Variants in LRPPRC observed in about 807,000 individuals in gnomAD.
The protein encoded by LRPPRC is leucine rich pentatricopeptide repeat containing, also known as leucine-rich PPR motif-containing protein, mitochondrial.
Under a neutral mutation model 180.3 loss-of-function variants are expected in LRPPRC, and 120 were observed. The ratio of observed to expected loss-of-function variants is 0.67; its 90% CI spans 0.57 to 0.77. The LOEUF (loss-of-function observed/expected upper bound fraction) is 0.77, where lower values mean the gene tolerates loss of function less well. Among genes scored for constraint, LRPPRC ranks in the 30% least tolerant of loss-of-function variants. The pLI is 0.00. For synonymous variants in LRPPRC, 723 were observed against 600.0 expected, an observed-to-expected ratio of 1.21 and a Z score of -3.00; for missense variants, 2,012 against 1,657.2, an observed-to-expected ratio of 1.21 and a Z score of -3.72.
chr2:43,904,530 T>A (rs144684027), intron 31 of LRPPRC: 6,353 of 150,846 alleles, frequency 0.042, 191 homozygotes, highest in Middle Eastern at 0.11. Context: ...CTGTCTCTAC[T>A]GAAAATACAA....
intron 27 of LRPPRC, 120 bp downstream of exon 27, chr2:43,924,945 CCT>C (rs1330332660): frequency 5.5e-6 from 4 of 729,380 alleles, no homozygotes; most frequent in Non-Finnish European, 7.6e-6. Flanking sequence ...TCTACCTGAG[CCT>C]CTGTTGAATG....
rs771826281 is a variant in LRPPRC, at chr2:43,948,147, C to T, written c.1895G>A (p.Ser632Asn). 1.9e-6 allele frequency: 3 copies of T among 1,605,612 alleles called. No individual in the cohort carries two copies. Among genetic ancestry groups the T allele is most frequent in the Non-Finnish European group, 2.6e-6 (3 of 1,172,542 alleles). ...CTTAATCAATTCAGGAACATGGTAG[C>T]TTTCCAGGAGATTACGAATGCCTCT... ...IYRGIRNLLE[S>N]YHVPELIKDA... is the part of the protein sequence containing the mutation. Residue 632 changes from serine to asparagine, a missense_variant, in exon 18 of 38, where the codon AGC (serine) becomes AAC (asparagine). Physicochemically the swap from Ser to Asn is conservative, Grantham distance 46 (BLOSUM62 1). Transcript: ENST00000260665.
intron 29 of LRPPRC, among the ~76,000 whole-genome samples, chr2:43,915,053 CAAAAAA>C (rs71393213): frequency 3.1e-5 from 3 of 96,892 alleles, no homozygotes; most frequent in Non-Finnish European, 4.5e-5. Context: ...ACTAAAAATA[CAAAAAA>C]AAAAAAAAAA....
In LRPPRC at chr2:43,974,060, C is replaced by A. The variant is rs921453647; in HGVS notation, c.1155+90G>T. ...AAGAACATTGTTATGATGTTTACAA[C>A]TGGTCTAATCTTATAAATGTTCCTA... On this transcript the variant is annotated intron_variant, in intron 9 of 37. Transcript: ENST00000260665. 3.7e-6 allele frequency: 5 copies of A among 1,339,306 alleles called. No homozygotes were observed. In the African/African-American group the frequency reaches 7.2e-5, roughly 19 times the overall value. The allele number at this position is 1,339,306 out of a possible 1,614,324, so 83.0% of individuals were successfully genotyped here. A position where few individuals can be genotyped will look rare whatever the true frequency, so the allele number is the denominator to read the frequency against.
At chr2:43,895,870 A>C (rs556638113) in intron 35 of LRPPRC, among the ~76,000 whole-genome samples, 1 of 151,620 alleles carries the variant, frequency 6.6e-6, no homozygotes, top group African/African-American at 2.4e-5. Flanking sequence ...TTATACTTAC[A>C]GTTAAACATC....
In LRPPRC at chr2:43,946,326, T is replaced by C. The variant is rs1044962144; in HGVS notation, c.2080-83A>G. 2.2e-5 allele frequency: 23 copies of C among 1,037,002 alleles called. No homozygotes were observed. In the Admixed American group the frequency reaches 3.9e-4, roughly 18 times the overall value. The allele number at this position is 1,037,002 out of a possible 1,614,324, so 64.2% of individuals were successfully genotyped here. On this transcript the variant is annotated intron_variant, in intron 20 of 37. Coordinates refer to ENST00000260665, the MANE Select transcript of LRPPRC (RefSeq NM_133259.4). ...ATTTTTAGCTTTACTGTTCAGAGTT[T>C]AGAAAAAGTTAATAGTACTTTAAAA...
intron 20 of LRPPRC, 41 bp from the exon 21 acceptor site, chr2:43,946,284 G>A (rs769394361): frequency 7.2e-6 from 11 of 1,521,898 alleles, no homozygotes; most frequent in Non-Finnish European, 1.0e-5. Context: ...AAATCAGTGT[G>A]AAGGTAAAAA....
At chr2:43,894,400 C>A (rs981917984) in intron 36 of LRPPRC, 145 bp downstream of exon 36, 1 of 587,620 alleles carries the variant, frequency 1.7e-6, no homozygotes, top group African/African-American at 1.9e-5. Context: ...TTATTTATAT[C>A]ATAATTATCT....
At chr2:43,899,054 C>G (rs1358040596) in intron 34 of LRPPRC, among the ~76,000 whole-genome samples, 165 bp downstream of exon 34, 7 of 152,170 alleles carry the variant, frequency 4.6e-5, no homozygotes, top group African/African-American at 1.7e-4. Context: ...TAAAATCTAC[C>G]ATCCAGTCCT....
At chr2:43,924,718 G>A (rs886246599) in intron 27 of LRPPRC, among the ~76,000 whole-genome samples, 14 of 152,014 alleles carry the variant, frequency 9.2e-5, no homozygotes, top group African/African-American at 3.1e-4. Flanking sequence ...ATGTGTTGGT[G>A]GTTACCTATT....
intron 27 of LRPPRC, 51 bp from the exon 28 acceptor site, chr2:43,918,449 T>C (rs754891949): frequency 8.0e-7 from 1 of 1,251,364 alleles, no homozygotes; most frequent in Admixed American, 1.7e-5. Flanking sequence ...CTAAACAGAA[T>C]ACACAAAAAT....
intron 11 of LRPPRC, among the ~76,000 whole-genome samples, chr2:43,969,905 G>A (rs1483978737): frequency 6.6e-6 from 1 of 151,880 alleles, no homozygotes; most frequent in Non-Finnish European, 1.5e-5. Flanking sequence ...CAAAATCCTG[G>A]GCTCAACTAA....
chr2:43,966,100 T>C lies in LRPPRC; in HGVS notation c.1370-2394A>G, dbSNP rs182471882. The stretch of plus-strand genomic sequence containing the variant: ...AAAGAAAATGTGGCATATATACACA[T>C]ATAGAATGGAATATTATTCAGCCTT... On this transcript the variant is annotated intron_variant, in intron 11 of 37. Transcript: ENST00000260665. Among the ~76,000 whole-genome samples the C allele has an allele frequency of 2.6e-3, 400 of 152,238 alleles. 1 individual carries two copies. Among genetic ancestry groups the C allele is most frequent in the Non-Finnish European group, 4.8e-3 (326 of 68,014 alleles).
intron 1 of LRPPRC, among the ~76,000 whole-genome samples, chr2:43,992,910 T>A (rs1399327581): frequency 6.6e-6 from 1 of 152,000 alleles, no homozygotes; most frequent in Non-Finnish European, 1.5e-5. Flanking sequence ...ATCAGATAGG[T>A]AAGTAATGCC....
intron 25 of LRPPRC, among the ~76,000 whole-genome samples, chr2:43,932,294 C>G (rs779127888): frequency 6.6e-6 from 1 of 151,962 alleles, no homozygotes; most frequent in Non-Finnish European, 1.5e-5. Flanking sequence ...GAGCTTATGA[C>G]TGGTTTATCT....
intron 25 of LRPPRC, among the ~76,000 whole-genome samples, chr2:43,927,669 A>G (rs1188418028): frequency 3.3e-5 from 5 of 152,230 alleles, no homozygotes; most frequent in African/African-American, 7.2e-5. Flanking sequence ...ACAACTTTCA[A>G]TATTACTGCT....
At position 43,987,207 on chromosome 2, in the gene LRPPRC, G is replaced by C. The variant is rs1159671901; in HGVS notation, c.150-4773C>G. ...AGATAATGCCTTTTAAAAATGTTTG[G>C]TAATGAGCCGGACGCGGTGGCTCAT... On this transcript the variant is annotated intron_variant, in intron 1 of 37. Coordinates refer to ENST00000260665, the MANE Select transcript of LRPPRC (RefSeq NM_133259.4). Among the ~76,000 whole-genome samples, 4 of 152,176 alleles carry C rather than the reference G, an allele frequency of 2.6e-5. No homozygotes were observed. The East Asian group carries it at 7.7e-4, about 29-fold the overall frequency.
chr2:43,925,761 C>A, intron 26 of LRPPRC, 132 bp downstream of exon 26: 1 of 737,776 alleles, frequency 1.4e-6, no homozygotes, highest in Non-Finnish European at 2.5e-6. Flanking sequence ...GCTTATCTGG[C>A]AAATGATCGA....
intron 11 of LRPPRC, among the ~76,000 whole-genome samples, chr2:43,965,866 G>C (rs1001382558): frequency 2.6e-5 from 4 of 152,176 alleles, no homozygotes; most frequent in African/African-American, 7.2e-5. Flanking sequence ...AAAGCGATTA[G>C]ACAGTGGTGA....
Sources: allele counts gnomAD v4.1 joint callset (sites outside exome capture counted in the v4.1 genomes callset), GRCh38; gene constraint gnomAD v4.1.1; transcripts MANE v1.5; gene names NCBI Gene and HGNC (gene_info 2026-07-23, HGNC 2026-07-21).